The following MYO18A variants were observed in gnomAD, a reference collection of about 807,000 sequenced individuals.
The protein encoded by MYO18A is myosin XVIIIA.
Under a neutral mutation model 235.8 loss-of-function variants are expected in MYO18A, and 78 were observed. The observed-to-expected ratio is 0.33, with a 90% confidence interval of 0.28 to 0.40. The LOEUF is 0.40. MYO18A is among the 10% of genes least tolerant of loss of function. The pLI, the probability that MYO18A is intolerant of heterozygous loss-of-function variation, is 1.00. For synonymous variants in MYO18A, 977 were observed against 1,077.8 expected, an observed-to-expected ratio of 0.91 and a Z score of 1.83; for missense variants, 2,215 against 2,699.3, an observed-to-expected ratio of 0.82 and a Z score of 3.98.
At chr17:29,137,195 T>G (rs534048184) in intron 2 of MYO18A, 1 of 152,378 alleles carries the variant, frequency 6.6e-6, no homozygotes, top group East Asian at 1.9e-4. Context: ...TGCGTCTTTG[T>G]CATCCCTGGA....
In MYO18A at chr17:29,094,995, G is replaced by C; in HGVS notation, c.4450C>G (p.Leu1484Val). ...AQREKLQREK[L>V]QREKDMLLAE... Reference sequence around the variant, plus strand: ...AGGAGCATGTCCTTCTCCCGCTGCAGCTTCTCCCGCTGCAGCTTCTCCCGC... The same window carrying C: ...AGGAGCATGTCCTTCTCCCGCTGCACCTTCTCCCGCTGCAGCTTCTCCCGC... Residue 1484 changes from leucine to valine, a missense_variant, in exon 29 of 42, where the codon CTG becomes GTG. Transcript: ENST00000527372. 1 of 1,581,740 alleles carries C rather than the reference G, an allele frequency of 6.3e-7. No individual in the cohort carries two copies. The highest frequency in any genetic ancestry group is 8.6e-7 in the Non-Finnish European group (1 of 1,162,596).
At chr17:29,094,132 G>T in intron 30 of MYO18A, 42 bp from the exon 31 acceptor site, 1 of 1,457,696 alleles carries the variant, frequency 6.9e-7, no homozygotes, top group Non-Finnish European at 9.4e-7. Context: ...CTCCCCAGCT[G>T]TGGCCACCCC....
At chr17:29,138,807 T>G (rs145903617) in intron 2 of MYO18A, among the ~76,000 whole-genome samples, 1 of 152,222 alleles carries the variant, frequency 6.6e-6, no homozygotes, top group Non-Finnish European at 1.5e-5. Context: ...ACTGCTCACT[T>G]TAAGGGATGG....
chr17:29,159,921 G>C (rs1031774052), intron 2 of MYO18A, among the ~76,000 whole-genome samples: 1 of 152,200 alleles, frequency 6.6e-6, no homozygotes, highest in African/African-American at 2.4e-5. Flanking sequence ...GCTAGAAAAG[G>C]ATAGGAAGCA....
At chr17:29,153,149 G>A (rs889313398) in intron 2 of MYO18A, among the ~76,000 whole-genome samples, 6 of 151,554 alleles carry the variant, frequency 4.0e-5, no homozygotes, top group African/African-American at 1.2e-4. Context: ...TTGAGACAGG[G>A]TCTTGCTCTG....
intron 1 of MYO18A, among the ~76,000 whole-genome samples, chr17:29,174,490 G>A (rs114534852): frequency 1.1e-4 from 16 of 151,910 alleles, no homozygotes; most frequent in African/African-American, 9.7e-5. Flanking sequence ...TGGGTGGAGG[G>A]AGATTATGTC....
chr17:29,116,585 C>A (rs73988915), intron 10 of MYO18A, 130 bp from the exon 11 acceptor site: 14,378 of 901,382 alleles, frequency 0.016, 362 homozygotes, highest in African/African-American at 0.11. Flanking sequence ...GGCAAGAAAA[C>A]ACAACCACAG....
At chr17:29,150,408 C>T (rs1362708932) in intron 2 of MYO18A, among the ~76,000 whole-genome samples, 1 of 152,232 alleles carries the variant, frequency 6.6e-6, no homozygotes, top group Non-Finnish European at 1.5e-5. Context: ...AGCGCTGCCC[C>T]AGTTGTGGTG....
intron 21 of MYO18A, among the ~76,000 whole-genome samples, chr17:29,102,218 G>A (rs2066671468): frequency 6.6e-6 from 1 of 152,240 alleles, no homozygotes; most frequent in Non-Finnish European, 1.5e-5. Flanking sequence ...CAGCTGGGAA[G>A]AGGATCAGCT....
chr17:29,136,046 G>A (rs763460541), intron 2 of MYO18A, among the ~76,000 whole-genome samples: 1 of 151,848 alleles, frequency 6.6e-6, no homozygotes, highest in Admixed American at 6.6e-5. Context: ...TGGGCAACAC[G>A]ATGAATCCTT....
At chr17:29,080,947 G>T in intron 41 of MYO18A, 1 of 985,462 alleles carries the variant, frequency 1.0e-6, no homozygotes, top group Non-Finnish European at 1.2e-6. Context: ...ATAGCTCAGG[G>T]AGCTCACCAC....
At chr17:29,163,141 G>A (rs2068209499) in intron 2 of MYO18A, among the ~76,000 whole-genome samples, 1 of 152,242 alleles carries the variant, frequency 6.6e-6, no homozygotes, top group Non-Finnish European at 1.5e-5. Flanking sequence ...AGTCATCAGG[G>A]TATCCCTCCC....
intron 23 of MYO18A, 73 bp from the exon 24 acceptor site, chr17:29,098,518 G>A (rs1033922018): frequency 1.0e-4 from 155 of 1,540,216 alleles, no homozygotes; most frequent in Non-Finnish European, 2.8e-5. Flanking sequence ...CTGCACCCCT[G>A]TAGTGAACGA....
At chr17:29,165,747 C>T (rs898514349) in intron 2 of MYO18A, among the ~76,000 whole-genome samples, 195 bp downstream of exon 2, 2 of 152,170 alleles carry the variant, frequency 1.3e-5, no homozygotes, top group African/African-American at 4.8e-5. Flanking sequence ...GGGTGGCACC[C>T]CCAGAGGATT....
At chr17:29,142,894 G>A (rs1403430922) in intron 2 of MYO18A, among the ~76,000 whole-genome samples, 2 of 152,172 alleles carry the variant, frequency 1.3e-5, no homozygotes, top group African/African-American at 2.4e-5. Context: ...TGCAACCTCC[G>A]CCTCCCAGGT....
chr17:29,127,737 G>T, intron 2 of MYO18A: 1 of 496,976 alleles, frequency 2.0e-6, no homozygotes, highest in Non-Finnish European at 2.6e-6. Flanking sequence ...CCTGGGCCCA[G>T]CCTCTCGGTC....
At chr17:29,130,474 C>CCCCACA (rs1470883412) in intron 2 of MYO18A, among the ~76,000 whole-genome samples, 1 of 142,140 alleles carries the variant, frequency 7.0e-6, no homozygotes. Flanking sequence ...GAGGCCTCTC[C>CCCCACA]CACACACACA....
Position 29,110,018 on chromosome 17 carries a change from C to G in MYO18A, c.3171G>C (p.Glu1057Asp). The G allele has an allele frequency of 6.2e-7, 1 of 1,612,932 alleles. No individual in the cohort carries two copies. Among genetic ancestry groups the G allele is most frequent in the Middle Eastern group, 1.7e-4 (1 of 5,984 alleles). The change falls in exon 19 of 42, where the codon GAG (glutamate) becomes GAC (aspartate). Residue 1057 changes from glutamate (E) to aspartate (D), a missense_variant. Coordinates refer to ENST00000527372, the MANE Select transcript of MYO18A (RefSeq NM_078471.4). ...CTCGGCGGGAGGAGGCGGAACGGGG[C>G]TCCCCAGCCCAGCCCTCAGCTACAG... ...FLPVAEGWAGEPRSASSRRVS... is the reference protein window; with the variant it reads ...FLPVAEGWAGDPRSASSRRVS...
intron 41 of MYO18A, 188 bp from the exon 42 acceptor site, chr17:29,075,102 G>C (rs2065942757): frequency 3.2e-6 from 2 of 620,282 alleles, no homozygotes; most frequent in Admixed American, 6.0e-5. Flanking sequence ...GACTCTGGAA[G>C]CTTTTAAAGC....
Sources: allele counts gnomAD v4.1 joint callset (sites outside exome capture counted in the v4.1 genomes callset), GRCh38; gene constraint gnomAD v4.1.1; transcripts MANE v1.5; gene names NCBI Gene and HGNC (gene_info 2026-07-23, HGNC 2026-07-21).